STAB2: variants seen among roughly 807,000 people sequenced by gnomAD.
STAB2 encodes the protein stabilin 2.
In STAB2, 288 loss-of-function variants were observed where a neutral mutation model predicts 338.1. The ratio of observed to expected loss-of-function variants is 0.85; its 90% CI spans 0.77 to 0.94. The LOEUF (loss-of-function observed/expected upper bound fraction) is 0.94, where lower values mean the gene tolerates loss of function less well. Ranked by LOEUF, STAB2 falls within the 40% of genes least tolerant of loss-of-function variation. The pLI is 0.00. For synonymous variants in STAB2, 1,202 were observed against 1,193.3 expected (o/e 1.01, Z -0.15); for missense variants, 3,141 against 3,210.1 (o/e 0.98, Z 0.52).
intron 3 of STAB2, among the ~76,000 whole-genome samples, chr12:103,609,501 A>T (rs111881463): frequency 5.3e-5 from 8 of 151,230 alleles, no homozygotes; most frequent in South Asian, 2.1e-4. Context: ...CTGTTATTGG[A>T]GTATAAGAAT....
chr12:103,669,395 A>G, intron 20 of STAB2, 146 bp from the exon 21 acceptor site: 1 of 669,580 alleles, frequency 1.5e-6, no homozygotes, highest in South Asian at 1.8e-5. Context: ...AGCACTAGCC[A>G]TGCCATCAAC....
chr12:103,715,977 C>A, intron 43 of STAB2, 89 bp downstream of exon 43: 1 of 1,375,116 alleles, frequency 7.3e-7, no homozygotes, highest in Non-Finnish European at 1.0e-6. Context: ...AGGCTGAGAA[C>A]GGACCTCTAA....
chr12:103,745,014 GAATA>G (rs1882905839), intron 56 of STAB2, among the ~76,000 whole-genome samples, 155 bp from the exon 57 acceptor site: 1 of 152,146 alleles, frequency 6.6e-6, no homozygotes, highest in Non-Finnish European at 1.5e-5. Flanking sequence ...GATAGTCCCT[GAATA>G]AGTTATTTTT....
At chr12:103,764,130 G>A (rs542470764) in intron 68 of STAB2, among the ~76,000 whole-genome samples, 53 of 151,918 alleles carry the variant, frequency 3.5e-4, no homozygotes, top group African/African-American at 1.3e-3. Context: ...ACTTTGTATT[G>A]TTAATACAGA....
intron 3 of STAB2, among the ~76,000 whole-genome samples, chr12:103,617,199 A>G (rs2138620239): frequency 6.6e-6 from 1 of 152,292 alleles, no homozygotes; most frequent in East Asian, 1.9e-4. Flanking sequence ...ATCAATCAGT[A>G]TTACCGGAGT....
chr12:103,709,067 T>C (rs1451795935), intron 39 of STAB2, among the ~76,000 whole-genome samples: 3 of 152,166 alleles, frequency 2.0e-5, no homozygotes, highest in Non-Finnish European at 2.9e-5. Flanking sequence ...TGCTACTTAT[T>C]GCCAGGTTGT....
chr12:103,690,613 G>A (rs1877851877), intron 30 of STAB2, 75 bp downstream of exon 30: 7 of 1,329,960 alleles, frequency 5.3e-6, no homozygotes, highest in Non-Finnish European at 7.3e-6. Flanking sequence ...AAATTTTCAT[G>A]TTATGGGAAC....
In STAB2 at chr12:103,640,132, G is replaced by C. The variant is rs12319476; in HGVS notation, c.916G>C (p.Glu306Gln). 10 of 1,611,956 alleles carry C rather than the reference G, an allele frequency of 6.2e-6. No individual in the cohort carries two copies. Among genetic ancestry groups the C allele is most frequent in the Non-Finnish European group, 7.6e-6 (9 of 1,178,578 alleles). ...KYDGPGQSHC[E>Q]CKEHYQNFVP... ...TTCCTGTCTACTGAAGTCTCACTGC[G>C]AGTGTAAGGAGCATTACCAGAATTT... The change falls in exon 9 of 69, where the codon GAG (glutamate) becomes CAG (glutamine). Residue 306 changes from glutamate (E) to glutamine (Q), a missense_variant. Glu to Gln is a conservative substitution (Grantham distance 29). Transcript: ENST00000388887.
Position 103,699,645 on chromosome 12 carries a change from G to T in STAB2, c.3714+418G>T, listed in dbSNP as rs566998036. ...CACGTGGGAATTCAGGATGAGATTTGGGTGTGGGCACAGCCAAACCATGTC... is the reference window on the plus strand; with the variant it reads ...CACGTGGGAATTCAGGATGAGATTTTGGTGTGGGCACAGCCAAACCATGTC... On this transcript the variant is annotated intron_variant, in intron 34 of 68. Transcript: ENST00000388887. Among the ~76,000 whole-genome samples the T allele has an allele frequency of 1.2e-4, 19 of 152,254 alleles. No homozygotes were observed. In the South Asian group the frequency reaches 3.5e-3, roughly 28 times the overall value.
intron 66 of STAB2, 64 bp from the exon 67 acceptor site, chr12:103,762,210 A>AG (rs759543397): frequency 1.9e-4 from 307 of 1,594,724 alleles, no homozygotes; most frequent in Non-Finnish European, 2.3e-4. Context: ...CGGGCCACCA[A>AG]GGGTTCCCCT....
At chr12:103,668,576 G>C in intron 19 of STAB2, 67 bp from the exon 20 acceptor site, 1 of 1,361,824 alleles carries the variant, frequency 7.3e-7, no homozygotes, top group South Asian at 1.2e-5. Flanking sequence ...TGTCTGCAGA[G>C]GGTGTGCAGT....
At chr12:103,753,188 G>C in intron 60 of STAB2, 32 bp from the exon 61 acceptor site, 1 of 1,611,804 alleles carries the variant, frequency 6.2e-7, no homozygotes, top group Non-Finnish European at 8.5e-7. Flanking sequence ...CTGGTGGGCT[G>C]ACCTGGGCGA....
rs940777426 is a variant in STAB2, at chr12:103,638,083, G to T, written c.777G>T (p.Arg259=). ...ATTGTACGTACCTGGGACCAAATCG[G>T]CACAGTTGTACATGCCAAGAAGGCT... The part of the protein sequence containing the change: ...HAHCTYLGPN[R]HSCTCQEGYR... The change falls in exon 8 of 69, where the codon CGG becomes CGT. Residue 259 remains arginine, a synonymous_variant. Transcript: ENST00000388887. 3.1e-6 allele frequency: 5 copies of T among 1,614,140 alleles called. No homozygotes were observed. Among genetic ancestry groups the T allele is most frequent in the Non-Finnish European group, 4.2e-6 (5 of 1,180,024 alleles).
chr12:103,628,827 C>G (rs750047717), intron 5 of STAB2, among the ~76,000 whole-genome samples: 6 of 152,076 alleles, frequency 3.9e-5, no homozygotes, highest in Non-Finnish European at 7.4e-5. Flanking sequence ...GATGAGGACT[C>G]CACCATATTA....
chr12:103,763,999 T>C (rs1351997398), intron 68 of STAB2, among the ~76,000 whole-genome samples: 2 of 151,770 alleles, frequency 1.3e-5, no homozygotes, highest in Admixed American at 6.6e-5. Flanking sequence ...TTTTTTTTTT[T>C]CTTTGAGATG....
At chr12:103,620,335 G>C in intron 3 of STAB2, 133 bp from the exon 4 acceptor site, 1 of 769,136 alleles carries the variant, frequency 1.3e-6, no homozygotes, top group Non-Finnish European at 2.1e-6. Flanking sequence ...TAAAACCCTA[G>C]ATGACACCAA....
chr12:103,761,103 C>G (rs1884503331), intron 65 of STAB2, among the ~76,000 whole-genome samples, 197 bp from the exon 66 acceptor site: 2 of 152,140 alleles, frequency 1.3e-5, no homozygotes, highest in African/African-American at 4.8e-5. Context: ...CTGCAGCCCT[C>G]AGATCAGCTT....
chr12:103,710,459 A>G (rs992095011), intron 39 of STAB2, among the ~76,000 whole-genome samples: 24 of 152,254 alleles, frequency 1.6e-4, no homozygotes, highest in Admixed American at 8.5e-4. Context: ...CTAAGTCCAC[A>G]GCAGACATCA....
chr12:103,717,979 C>G (rs1593278204), intron 44 of STAB2, 138 bp downstream of exon 44: 1 of 785,306 alleles, frequency 1.3e-6, no homozygotes, highest in East Asian at 2.5e-5. Flanking sequence ...AGGCTTGTTT[C>G]TCTGGCACAC....
Sources: gnomAD v4.1 joint callset for allele counts (sites outside exome capture counted in the v4.1 genomes callset) on GRCh38, gnomAD v4.1.1 for gene constraint, MANE v1.5 for transcripts, NCBI Gene and HGNC (gene_info 2026-07-23, HGNC 2026-07-21) for gene names.